Variants in DOK5 observed in about 807,000 individuals in gnomAD.
The protein encoded by DOK5 is downstream of tyrosine kinase 5.
A neutral mutation model predicts 43.3 loss-of-function variants in DOK5; 27 were observed. That is an observed-to-expected ratio of 0.62 (90% CI 0.46 to 0.86). DOK5 has a LOEUF of 0.86. Ranked by LOEUF, DOK5 falls within the 40% of genes least tolerant of loss-of-function variation. DOK5 has a pLI of 0.00. For missense variants in DOK5, 373 were observed against 392.9 expected, an observed-to-expected ratio of 0.95 and a Z score of 0.43; for synonymous variants, 146 against 140.1, an observed-to-expected ratio of 1.04 and a Z score of -0.30.
chr20:54,622,740 G>C (rs1467657822), intron 6 of DOK5, among the ~76,000 whole-genome samples: 2 of 152,166 alleles, frequency 1.3e-5, no homozygotes, highest in African/African-American at 4.8e-5. Context: ...GTTCACTTCA[G>C]AGCATAAAAT....
chr20:54,551,481 G>C (rs1448238654), intron 1 of DOK5, among the ~76,000 whole-genome samples: 1 of 152,122 alleles, frequency 6.6e-6, no homozygotes, highest in East Asian at 1.9e-4. Flanking sequence ...TCCAGACTGT[G>C]ATCTCATGCA....
rs751660728 is a variant in DOK5, at chr20:54,591,781, C to T, written c.575C>T (p.Thr192Met). 13 of 1,612,768 alleles carry T rather than the reference C, an allele frequency of 8.1e-6. No homozygotes were observed. Among genetic ancestry groups the T allele is most frequent in the Admixed American group, 3.3e-5 (2 of 59,714 alleles). The change falls in exon 5 of 8, where the codon ACG (threonine) becomes ATG (methionine). Residue 192 changes from threonine (T) to methionine (M), a missense_variant. Coordinates refer to ENST00000262593, the MANE Select transcript of DOK5 (RefSeq NM_018431.5). ...SALRRYGRDT[T>M]WFTFEAGRMC... ...CTGCGGCGGTATGGACGTGATACTA[C>T]GTGGTTCACTTTTGAGGCAGGGAGG... is the stretch of plus-strand genomic sequence containing the variant.
chr20:54,492,299 T>C (rs939602328), intron 1 of DOK5, among the ~76,000 whole-genome samples: 5 of 152,302 alleles, frequency 3.3e-5, no homozygotes, highest in East Asian at 1.9e-4. Flanking sequence ...TGTGTGTATA[T>C]ATATAATTTG....
At position 54,495,708 on chromosome 20, in the gene DOK5, T is replaced by C. The variant is rs552005161; in HGVS notation, c.66+19696T>C. ...GAGTTCAAGACCAGCCTGGCCAACG[T>C]AGTGAAACCCCATCTCTACAATAAT... is the stretch of plus-strand genomic sequence containing the variant. On this transcript the variant is annotated intron_variant, in intron 1 of 7. Coordinates refer to ENST00000262593, the MANE Select transcript of DOK5 (RefSeq NM_018431.5). Among the ~76,000 whole-genome samples the C allele has an allele frequency of 5.9e-5, 9 of 152,202 alleles. No individual in the cohort carries two copies. The South Asian group carries it at 1.2e-3, about 21-fold the overall frequency.
intron 5 of DOK5, among the ~76,000 whole-genome samples, chr20:54,602,296 C>G (rs773119089): frequency 5.9e-5 from 9 of 152,220 alleles, no homozygotes; most frequent in African/African-American, 2.2e-4. Context: ...ATGGAGACTT[C>G]GAGAAGTCAA....
chr20:54,628,819 A>G (rs1455472705), intron 6 of DOK5, among the ~76,000 whole-genome samples: 1 of 152,240 alleles, frequency 6.6e-6, no homozygotes, highest in Non-Finnish European at 1.5e-5. Flanking sequence ...AAGGTATTTT[A>G]TAAACCTCAG....
At chr20:54,635,238 T>A (rs1279708708) in intron 6 of DOK5, among the ~76,000 whole-genome samples, 1 of 152,202 alleles carries the variant, frequency 6.6e-6, no homozygotes, top group African/African-American at 2.4e-5. Context: ...TACTCCAAAA[T>A]ATATTATTTG....
At chr20:54,643,231 C>T (rs948049324) in intron 6 of DOK5, among the ~76,000 whole-genome samples, 1 of 152,130 alleles carries the variant, frequency 6.6e-6, no homozygotes, top group African/African-American at 2.4e-5. Context: ...GGAAGTTCCC[C>T]AAAGGAACGT....
intron 6 of DOK5, among the ~76,000 whole-genome samples, chr20:54,638,364 G>A (rs574883016): frequency 6.6e-6 from 1 of 152,210 alleles, no homozygotes; most frequent in East Asian, 1.9e-4. Flanking sequence ...TTTGGGCTTA[G>A]GAGCAGATGT....
rs1021163404 is a variant in DOK5, at chr20:54,475,928, G to T, written c.-19G>T. ...GGGTGCGCGCTCTTGGGTAAAGGGG[G>T]GGTCACCGGCTGTCTGGGATGGCTT... On this transcript the variant is annotated 5_prime_UTR_variant, in exon 1 of 8. Transcript: ENST00000262593. This position sits in a 1 kb window ranked among gnomAD's most constrained non-coding sequence, Gnocchi z 4.2. 6.2e-7 allele frequency: 1 copy of T among 1,612,776 alleles called. No homozygotes were observed. Among genetic ancestry groups the T allele is most frequent in the Non-Finnish European group, 8.5e-7 (1 of 1,179,824 alleles).
rs954787693 is a variant in DOK5, at chr20:54,650,550, T to G, written c.*71T>G. The G allele has an allele frequency of 6.2e-6, 9 of 1,461,428 alleles. No homozygotes were observed. Among genetic ancestry groups the G allele is most frequent in the Non-Finnish European group, 7.6e-6 (8 of 1,050,066 alleles). 90.5% of individuals were successfully genotyped at this position (1,461,428 alleles called of 1,614,324 possible). ...CAGATTCACCCAGGAGGTCACAGAA[T>G]GACAGCAAGGGAAATGACGACCAAG... On this transcript the variant is annotated 3_prime_UTR_variant, in exon 8 of 8. Transcript: ENST00000262593.
chr20:54,639,916 A>T (rs1374573428), intron 6 of DOK5, among the ~76,000 whole-genome samples: 1 of 152,260 alleles, frequency 6.6e-6, no homozygotes, highest in Non-Finnish European at 1.5e-5. Flanking sequence ...AAGATTAATC[A>T]AAACAAGACG....
chr20:54,519,436 T>C (rs1983315716), intron 1 of DOK5, among the ~76,000 whole-genome samples: 1 of 152,178 alleles, frequency 6.6e-6, no homozygotes, highest in Admixed American at 6.6e-5. Context: ...CTTTAAAATT[T>C]AAAACCATTC....
chr20:54,579,746 G>A (rs1279334921), intron 2 of DOK5, among the ~76,000 whole-genome samples: 2 of 151,670 alleles, frequency 1.3e-5, no homozygotes, highest in Non-Finnish European at 2.9e-5. Context: ...TCTTTTTTAG[G>A]GTGGGATAAT....
intron 1 of DOK5, among the ~76,000 whole-genome samples, chr20:54,487,785 C>T (rs1247663466): frequency 1.3e-5 from 2 of 152,164 alleles, no homozygotes; most frequent in Admixed American, 1.3e-4. Context: ...CCCCCAAAAA[C>T]TGTACAACCT....
chr20:54,501,562 G>T (rs1322722275), intron 1 of DOK5, among the ~76,000 whole-genome samples: 1 of 150,784 alleles, frequency 6.6e-6, no homozygotes, highest in African/African-American at 2.4e-5. Flanking sequence ...TATTTGTTTT[G>T]CAGTCATCCA....
At chr20:54,613,365 A>G (rs1240161053) in intron 6 of DOK5, among the ~76,000 whole-genome samples, 2 of 152,178 alleles carry the variant, frequency 1.3e-5, no homozygotes, top group Non-Finnish European at 1.5e-5. Flanking sequence ...AGAACCTACT[A>G]TAAGAAACTA....
chr20:54,649,243 G>T (rs1490135200), intron 7 of DOK5, among the ~76,000 whole-genome samples: 1 of 151,964 alleles, frequency 6.6e-6, no homozygotes, highest in Non-Finnish European at 1.5e-5. Context: ...GGATGTAGGC[G>T]AGACCCCCTC....
At chr20:54,632,335 C>T (rs1439753140) in intron 6 of DOK5, among the ~76,000 whole-genome samples, 2 of 152,098 alleles carry the variant, frequency 1.3e-5, no homozygotes, top group East Asian at 3.8e-4. Context: ...AGGTTTCTGC[C>T]CTCAAGCTAG....
Sources: allele counts gnomAD v4.1 joint callset (sites outside exome capture counted in the v4.1 genomes callset), GRCh38; gene constraint gnomAD v4.1.1; non-coding constraint Gnocchi (gnomAD v3.1); transcripts MANE v1.5; gene names NCBI Gene and HGNC (gene_info 2026-07-23, HGNC 2026-07-21).